DPYD: variants seen among roughly 807,000 people sequenced by gnomAD.
The protein encoded by DPYD is dihydropyrimidine dehydrogenase.
In DPYD, 109 loss-of-function variants were observed where a neutral mutation model predicts 116.2. That is an observed-to-expected ratio of 0.94 (90% CI 0.80 to 1.10). The LOEUF is 1.10. Among genes scored for constraint, DPYD ranks in the 50% least tolerant of loss-of-function variants. DPYD has a pLI of 0.00. For missense variants in DPYD, 1,302 were observed against 1,254.5 expected (o/e 1.04, Z -0.57); for synonymous variants, 440 against 432.0 (o/e 1.02, Z -0.23).
rs72975785 is a variant in DPYD at position 97,665,524 on chromosome 1, A to C, written c.850+13571T>G. Among the ~76,000 whole-genome samples, 4 of 152,118 alleles carry C rather than the reference A, an allele frequency of 2.6e-5. No individual in the cohort carries two copies. The East Asian group carries it at 7.7e-4, about 29-fold the overall frequency. ...GAATTAGTCAGTCTTGAATTTAATA[A>C]ATTTTTACAATAGATCAAACAGATT... On this transcript the variant is annotated intron_variant, in intron 8 of 22. Transcript: ENST00000370192.
chr1:97,691,873 A>T (rs1661027192), intron 6 of DPYD, 75 bp from the exon 7 acceptor site: 1 of 1,182,968 alleles, frequency 8.5e-7, no homozygotes, highest in East Asian at 2.3e-5. Flanking sequence ...AAAAAAAGGT[A>T]ACATGTCTTT....
intron 8 of DPYD, among the ~76,000 whole-genome samples, chr1:97,675,241 C>T (rs1250892195): frequency 6.6e-6 from 1 of 152,126 alleles, no homozygotes. Flanking sequence ...TTTTTAAAAG[C>T]CTTGTATAGT....
intron 8 of DPYD, among the ~76,000 whole-genome samples, chr1:97,656,809 G>A (rs1408965403): frequency 2.0e-5 from 3 of 149,648 alleles, no homozygotes; most frequent in African/African-American, 7.5e-5. Flanking sequence ...CAATGCTTAG[G>A]AATTTTTTAT....
intron 13 of DPYD, among the ~76,000 whole-genome samples, chr1:97,495,378 C>T (rs563937867): frequency 3.3e-5 from 5 of 152,208 alleles, no homozygotes; most frequent in African/African-American, 1.2e-4. Context: ...TCTTTGTGCT[C>T]CCTCTTCCCT....
At chr1:97,240,579 C>A (rs1311281089) in intron 18 of DPYD, among the ~76,000 whole-genome samples, 3 of 151,936 alleles carry the variant, frequency 2.0e-5, no homozygotes, top group Non-Finnish European at 4.4e-5. Flanking sequence ...CTCATTCGTG[C>A]TCACTGTGTA....
intron 1 of DPYD, among the ~76,000 whole-genome samples, chr1:97,906,377 A>C (rs908153188): frequency 6.6e-6 from 1 of 152,012 alleles, no homozygotes; most frequent in African/African-American, 2.4e-5. Context: ...AGTACTTATG[A>C]CTTTCTGTCT....
At chr1:97,162,987 G>C (rs112573648) in intron 20 of DPYD, among the ~76,000 whole-genome samples, 25,495 of 150,940 alleles carry the variant, frequency 0.17, 2,569 homozygotes, top group Middle Eastern at 0.27. Flanking sequence ...AATTCAAGAT[G>C]GATTAAAGAC....
At chr1:97,161,704 A>C in intron 20 of DPYD, among the ~76,000 whole-genome samples, 1 of 137,622 alleles carries the variant, frequency 7.3e-6, no homozygotes, top group Non-Finnish European at 1.6e-5. Context: ...TATATCTCCT[A>C]ATGCTATCCC....
intron 20 of DPYD, among the ~76,000 whole-genome samples, chr1:97,141,638 C>T (rs147541348): frequency 2.6e-5 from 4 of 152,178 alleles, no homozygotes; most frequent in Non-Finnish European, 5.9e-5. Flanking sequence ...ACCGAATATA[C>T]TATCATTTAT....
intron 10 of DPYD, among the ~76,000 whole-genome samples, chr1:97,578,842 A>C (rs1033645884): frequency 1.3e-5 from 2 of 152,208 alleles, no homozygotes; most frequent in Admixed American, 1.3e-4. Context: ...TTATGAACCC[A>C]ATACTGTAAA....
intron 16 of DPYD, among the ~76,000 whole-genome samples, chr1:97,343,540 T>G (rs1669690378): frequency 6.6e-6 from 1 of 152,096 alleles, no homozygotes; most frequent in African/African-American, 2.4e-5. Context: ...AGTAAAAACA[T>G]TTTGTTTTGT....
intron 20 of DPYD, among the ~76,000 whole-genome samples, chr1:97,148,396 T>A (rs1654788654): frequency 6.6e-6 from 1 of 152,142 alleles, no homozygotes; most frequent in South Asian, 2.1e-4. Flanking sequence ...AAGACAGATG[T>A]CTTGTGCAGC....
At chr1:97,114,881 A>C (rs1651856221) in intron 20 of DPYD, among the ~76,000 whole-genome samples, 1 of 152,188 alleles carries the variant, frequency 6.6e-6, no homozygotes, top group African/African-American at 2.4e-5. Flanking sequence ...CTAAATTTCT[A>C]AGTAAACTGT....
At chr1:97,695,494 C>T (rs768287710) in intron 6 of DPYD, among the ~76,000 whole-genome samples, 26 of 150,484 alleles carry the variant, frequency 1.7e-4, no homozygotes, top group Admixed American at 9.4e-4. Context: ...TGTCTCCCCA[C>T]GACTAAAATA....
At chr1:97,082,191 C>T (rs996410825) in intron 22 of DPYD, 139 bp downstream of exon 22, 3 of 1,042,694 alleles carry the variant, frequency 2.9e-6, no homozygotes, top group South Asian at 2.6e-5. Context: ...GGTGACAGGA[C>T]AGAAAGATGT....
At chr1:97,790,989 T>C (rs1465521361) in intron 3 of DPYD, among the ~76,000 whole-genome samples, 1 of 152,204 alleles carries the variant, frequency 6.6e-6, no homozygotes, top group Non-Finnish European at 1.5e-5. Flanking sequence ...AGCTTCTTTA[T>C]TAATTTTTAC....
chr1:97,808,376 A>G lies in DPYD; in HGVS notation c.233+19738T>C, dbSNP rs370132332. 4.1e-4 allele frequency among the ~76,000 whole-genome samples: 62 copies of G among 152,212 alleles called. No homozygotes were observed. The South Asian group carries it at 0.012, about 28-fold the overall frequency. On this transcript the variant is annotated intron_variant, in intron 3 of 22. Transcript: ENST00000370192. ...ATTTCCTTTTTTGGTGCTAATTTAAATGATATTATCTTTTAAATTTCAAAT... is the reference window on the plus strand; with the variant it reads ...ATTTCCTTTTTTGGTGCTAATTTAAGTGATATTATCTTTTAAATTTCAAAT...
intron 5 of DPYD, among the ~76,000 whole-genome samples, chr1:97,718,225 T>C (rs1226548844): frequency 6.6e-6 from 1 of 152,006 alleles, no homozygotes; most frequent in Non-Finnish European, 1.5e-5. Flanking sequence ...ACTGGTGATG[T>C]TGAGTATTTT....
intron 7 of DPYD, among the ~76,000 whole-genome samples, chr1:97,681,658 C>T (rs1660433790): frequency 6.6e-6 from 1 of 152,036 alleles, no homozygotes; most frequent in Admixed American, 6.6e-5. Context: ...TTAAAATCAT[C>T]TAATAGTGAG....
Sources: allele counts gnomAD v4.1 joint callset (sites outside exome capture counted in the v4.1 genomes callset), GRCh38; gene constraint gnomAD v4.1.1; transcripts MANE v1.5; gene names NCBI Gene and HGNC (gene_info 2026-07-23, HGNC 2026-07-21).